The following C1GALT1 variants were observed in gnomAD, a reference collection of about 807,000 sequenced individuals.
The protein encoded by C1GALT1 is glycoprotein-N-acetylgalactosamine 3-beta-galactosyltransferase 1.
Under a neutral mutation model 31.0 loss-of-function variants are expected in C1GALT1, and 11 were observed. That is an observed-to-expected ratio of 0.36 (90% CI 0.22 to 0.59). C1GALT1 has a LOEUF of 0.59. Ranked by LOEUF, C1GALT1 falls within the 20% of genes least tolerant of loss-of-function variation. The pLI, the probability that C1GALT1 is intolerant of heterozygous loss-of-function variation, is 0.79. For synonymous variants in C1GALT1, 175 were observed against 143.6 expected, an observed-to-expected ratio of 1.22 and a Z score of -1.56; for missense variants, 424 against 425.2, an observed-to-expected ratio of 1.00 and a Z score of 0.03.
At chr7:7,170,857 G>A (rs1780446186) in intron 2 of C1GALT1, among the ~76,000 whole-genome samples, 3 of 152,154 alleles carry the variant, frequency 2.0e-5, no homozygotes, top group African/African-American at 7.2e-5. Context: ...TTTTATTGTA[G>A]TTTCTTCTTT....
intron 3 of C1GALT1, among the ~76,000 whole-genome samples, chr7:7,239,266 G>C (rs1783513412): frequency 6.6e-6 from 1 of 152,208 alleles, no homozygotes; most frequent in African/African-American, 2.4e-5. Flanking sequence ...AGTAGTAAGT[G>C]CCCTGAAGAA....
chr7:7,207,300 A>G (rs1781783146), intron 1 of C1GALT1, among the ~76,000 whole-genome samples: 1 of 92,946 alleles, frequency 1.1e-5, no homozygotes, highest in Non-Finnish European at 2.4e-5. Flanking sequence ...GTATCCTTTT[A>G]GGTTTTCATT....
Position 7,183,160 on chromosome 7 carries a change from C to T in C1GALT1, c.-18+340C>T, listed in dbSNP as rs922615766. On this transcript the variant is annotated intron_variant, in intron 1 of 3. Transcript: ENST00000436587. ...CGCGCTGCCTGGCGGCGCGGCGGGG[C>T]GCGCAGTGCGCCCGGACCGGACCAC... Among the ~76,000 whole-genome samples, 4 of 151,248 alleles carry T rather than the reference C, an allele frequency of 2.6e-5. 1 individual carries two copies. Among genetic ancestry groups the T allele is most frequent in the Admixed American group, 6.6e-5 (1 of 15,208 alleles).
intron 2 of C1GALT1, among the ~76,000 whole-genome samples, chr7:7,162,109 T>A (rs1583726100): frequency 6.6e-6 from 1 of 151,546 alleles, no homozygotes; most frequent in African/African-American, 2.4e-5. Flanking sequence ...TTTCTTTTTT[T>A]AAATTTTATT....
chr7:7,163,239 A>C (rs1412931170), intron 2 of C1GALT1, among the ~76,000 whole-genome samples: 2 of 152,136 alleles, frequency 1.3e-5, no homozygotes, highest in Non-Finnish European at 2.9e-5. Context: ...TAGGGTTTTT[A>C]TGGTTTTAGG....
In C1GALT1 at chr7:7,243,926, A is replaced by G. The variant is rs1476194301; in HGVS notation, c.*199A>G. On this transcript the variant is annotated 3_prime_UTR_variant, in exon 4 of 4. Coordinates refer to ENST00000436587, the MANE Select transcript of C1GALT1 (RefSeq NM_020156.5). ...TGTTAAAATGTGTTTTGATACAGTAATATATAAATATGTCTATATATATGA... is the reference window on the plus strand; with the variant it reads ...TGTTAAAATGTGTTTTGATACAGTAGTATATAAATATGTCTATATATATGA... 2 of 395,378 alleles carry G rather than the reference A, an allele frequency of 5.1e-6. No homozygotes were observed. The highest frequency in any genetic ancestry group is 9.0e-6 in the Non-Finnish European group (2 of 222,794). The allele number at this position is 395,378 out of a possible 1,614,324, so 24.5% of individuals were successfully genotyped here. A position where few individuals can be genotyped will look rare whatever the true frequency, so the allele number is the denominator to read the frequency against.
chr7:7,221,746 C>T (rs538806236), intron 1 of C1GALT1, among the ~76,000 whole-genome samples: 21 of 152,278 alleles, frequency 1.4e-4, no homozygotes, highest in African/African-American at 5.1e-4. Flanking sequence ...GATGCCAGTG[C>T]TCTCTCCATA....
chr7:7,238,842 G>C lies in C1GALT1; in HGVS notation c.808G>C (p.Val270Leu). The change falls in exon 3 of 4, where the codon GTG becomes CTG. Residue 270 changes from valine to leucine, a missense_variant. Around this residue, in one of 3 missense-constraint regions of C1GALT1, gnomAD observed 191 missense variants for 188.8 expected, o/e 1.01. Coordinates refer to ENST00000436587, the MANE Select transcript of C1GALT1 (RefSeq NM_020156.5). This position sits in a 1 kb window ranked among gnomAD's most constrained non-coding sequence, Gnocchi z 5.2. ...TIGKETFHPF[V>L]PEHHLIKGYL... is the part of the protein sequence containing the mutation. ...TGGAAAAGAAACTTTTCATCCCTTT[G>C]TGCCAGAACACCATTTAATTAAAGG... 6.2e-7 allele frequency: 1 copy of C among 1,613,876 alleles called. No homozygotes were observed. Among genetic ancestry groups the C allele is most frequent in the Non-Finnish European group, 8.5e-7 (1 of 1,179,870 alleles).
At chr7:7,233,601 A>G (rs1255547159) in intron 1 of C1GALT1, among the ~76,000 whole-genome samples, 1 of 152,226 alleles carries the variant, frequency 6.6e-6, no homozygotes, top group Non-Finnish European at 1.5e-5. Context: ...AGGGCTAGGT[A>G]CGGTTTTGTG....
intron 1 of C1GALT1, among the ~76,000 whole-genome samples, chr7:7,221,670 C>T (rs1461445106): frequency 6.6e-6 from 1 of 152,180 alleles, no homozygotes; most frequent in African/African-American, 2.4e-5. Flanking sequence ...CTTAGGAATT[C>T]CATAATGCAA....
At chr7:7,201,214 C>T (rs1476029229) in intron 1 of C1GALT1, among the ~76,000 whole-genome samples, 1 of 152,298 alleles carries the variant, frequency 6.6e-6, no homozygotes, top group East Asian at 1.9e-4. Flanking sequence ...TGTTGGTTTT[C>T]CTTCTAACAG....
chr7:7,175,851 C>G (rs1465569878), intron 2 of C1GALT1, among the ~76,000 whole-genome samples: 1 of 151,814 alleles, frequency 6.6e-6, no homozygotes, highest in Non-Finnish European at 1.5e-5. Context: ...TCTCTGTGTC[C>G]TTACATAATG....
chr7:7,198,113 A>G (rs558230922), intron 1 of C1GALT1, among the ~76,000 whole-genome samples: 1 of 152,314 alleles, frequency 6.6e-6, no homozygotes, highest in East Asian at 1.9e-4. Context: ...GTCTTGTGCC[A>G]GTTTTCAAAG....
At chr7:7,178,668 G>T (rs1780532376), upstream of C1GALT1, among the ~76,000 whole-genome samples, 2 of 152,076 alleles carry the variant, frequency 1.3e-5, no homozygotes, top group Non-Finnish European at 2.9e-5. Context: ...AGGTGTCAGG[G>T]AGCAAAGATA....
At chr7:7,203,437 A>G (rs550859649) in intron 1 of C1GALT1, among the ~76,000 whole-genome samples, 1 of 152,154 alleles carries the variant, frequency 6.6e-6, no homozygotes, top group Non-Finnish European at 1.5e-5. Context: ...TTCTGCATCA[A>G]TTGAGAGGAC....
intron 1 of C1GALT1, among the ~76,000 whole-genome samples, chr7:7,212,233 G>A (rs992565924): frequency 6.6e-6 from 1 of 152,208 alleles, no homozygotes; most frequent in Non-Finnish European, 1.5e-5. Context: ...AGAAAGTGAC[G>A]TTCTTTACTG....
intron 2 of C1GALT1, among the ~76,000 whole-genome samples, chr7:7,168,630 GT>G (rs1204820564): frequency 6.6e-6 from 1 of 152,144 alleles, no homozygotes; most frequent in Non-Finnish European, 1.5e-5. Flanking sequence ...TCAACTAGGT[GT>G]ATGATAATCT....
intron 1 of C1GALT1, among the ~76,000 whole-genome samples, chr7:7,207,839 A>G (rs1437342530): frequency 6.7e-6 from 1 of 150,014 alleles, no homozygotes; most frequent in African/African-American, 2.5e-5. Flanking sequence ...TCAGTCTGAG[A>G]TTTTGTACAA....
chr7:7,227,102 G>A (rs1782800222), intron 1 of C1GALT1, among the ~76,000 whole-genome samples: 1 of 151,634 alleles, frequency 6.6e-6, no homozygotes, highest in Admixed American at 6.6e-5. Flanking sequence ...AGAGGATGGG[G>A]GTCATATTAC....
Sources: allele counts gnomAD v4.1 joint callset (sites outside exome capture counted in the v4.1 genomes callset), GRCh38; gene constraint gnomAD v4.1.1; regional missense constraint gnomAD v4.1.1; non-coding constraint Gnocchi (gnomAD v3.1); transcripts MANE v1.5; gene names NCBI Gene and HGNC (gene_info 2026-07-23, HGNC 2026-07-21).